GAREM1: variants seen among roughly 807,000 people sequenced by gnomAD.
GAREM1 encodes the protein GRB2 associated regulator of MAPK1 subtype 1, also known as GRB2-associated and regulator of MAPK protein 1.
In GAREM1, 26 loss-of-function variants were observed where a neutral mutation model predicts 71.3. The ratio of observed to expected loss-of-function variants is 0.36; its 90% CI spans 0.27 to 0.51. GAREM1 has a LOEUF of 0.51. GAREM1 is among the 20% of genes least tolerant of loss of function. The probability of loss-of-function intolerance (pLI) is 0.95; values close to 1 mark genes in which losing one functional copy is unlikely to be tolerated. For synonymous variants in GAREM1, 440 were observed against 433.2 expected, an observed-to-expected ratio of 1.02 and a Z score of -0.20; for missense variants, 1,026 against 1,103.1, an observed-to-expected ratio of 0.93 and a Z score of 0.99.
intron 1 of GAREM1, among the ~76,000 whole-genome samples, chr18:32,457,224 A>AGTGTGG (rs1309543369): frequency 9.3e-6 from 1 of 107,360 alleles, no homozygotes; most frequent in Non-Finnish European, 1.9e-5. Flanking sequence ...AGAGAGAGAG[A>AGTGTGG]GAGTGTGTGT....
At chr18:32,347,269 G>A (rs1310987216) in intron 2 of GAREM1, among the ~76,000 whole-genome samples, 3 of 152,170 alleles carry the variant, frequency 2.0e-5, no homozygotes, top group Admixed American at 6.5e-5. Flanking sequence ...GAAGCCTGAA[G>A]TGAAAGGATC....
chr18:32,311,691 G>A (rs1248168654), intron 2 of GAREM1, among the ~76,000 whole-genome samples: 2 of 152,246 alleles, frequency 1.3e-5, no homozygotes, highest in East Asian at 3.8e-4. Flanking sequence ...AGGTGGGTGG[G>A]CTGCCTGCCT....
intron 2 of GAREM1, among the ~76,000 whole-genome samples, chr18:32,330,408 C>T (rs546114927): frequency 2.0e-5 from 3 of 152,200 alleles, no homozygotes; most frequent in Admixed American, 2.0e-4. Context: ...GTACTAGGCT[C>T]ACTTACATGG....
chr18:32,428,855 G>A (rs1360474906), intron 1 of GAREM1, among the ~76,000 whole-genome samples: 1 of 151,972 alleles, frequency 6.6e-6, no homozygotes, highest in African/African-American at 2.4e-5. Flanking sequence ...TCGGTTCCTT[G>A]TTTTAGTCCT....
intron 1 of GAREM1, among the ~76,000 whole-genome samples, chr18:32,453,980 G>A (rs1241129886): frequency 6.6e-6 from 1 of 152,064 alleles, no homozygotes; most frequent in African/African-American, 2.4e-5. Flanking sequence ...CTATAGGGGG[G>A]TGGGGTGAGT....
Position 32,412,672 on chromosome 18 carries a change from T to C in GAREM1, c.122-19637A>G, listed in dbSNP as rs986501255. 2.0e-5 allele frequency: 30 copies of C among 1,482,626 alleles called. No homozygotes were observed. The African/African-American group carries it at 3.6e-4, about 18-fold the overall frequency. 91.8% of individuals were successfully genotyped at this position (1,482,626 alleles called of 1,614,324 possible). ...ACTTCACAGTTGTGGCCATTCACAG[T>C]ATGGTATTTCTGAATGACAATCTTA... On this transcript the variant is annotated intron_variant, in intron 1 of 5. Coordinates refer to ENST00000269209, the MANE Select transcript of GAREM1 (RefSeq NM_001242409.2).
intron 1 of GAREM1, among the ~76,000 whole-genome samples, chr18:32,431,100 T>C (rs2048620358): frequency 6.6e-6 from 1 of 152,170 alleles, no homozygotes. Context: ...TACAGACCAC[T>C]ACCCAAGACC....
At chr18:32,445,949 T>C (rs1469669564) in intron 1 of GAREM1, among the ~76,000 whole-genome samples, 1 of 152,154 alleles carries the variant, frequency 6.6e-6, no homozygotes, top group African/African-American at 2.4e-5. Context: ...TTCCAGGAAG[T>C]ATCATGTTGA....
At chr18:32,435,678 TA>T (rs1159102894) in intron 1 of GAREM1, among the ~76,000 whole-genome samples, 2 of 152,072 alleles carry the variant, frequency 1.3e-5, no homozygotes, top group Non-Finnish European at 2.9e-5. Context: ...TGTTATGTGA[TA>T]AAAAGTAGTA....
At chr18:32,347,990 G>T (rs2047712518) in intron 2 of GAREM1, among the ~76,000 whole-genome samples, 2 of 152,004 alleles carry the variant, frequency 1.3e-5, no homozygotes, top group South Asian at 4.1e-4. Context: ...AACTACTTTT[G>T]GAATCTGCAA....
intron 1 of GAREM1, among the ~76,000 whole-genome samples, chr18:32,404,396 C>G (rs1327901344): frequency 2.6e-5 from 4 of 151,830 alleles, no homozygotes; most frequent in Admixed American, 1.3e-4. Context: ...GAGAACAAAA[C>G]AGACACACGC....
intron 2 of GAREM1, among the ~76,000 whole-genome samples, chr18:32,315,298 G>A (rs1428058796): frequency 6.6e-6 from 1 of 151,442 alleles, no homozygotes; most frequent in Non-Finnish European, 1.5e-5. Context: ...AGCCACATGT[G>A]CAATTACATA....
intron 1 of GAREM1, among the ~76,000 whole-genome samples, chr18:32,458,866 A>G (rs1208347139): frequency 6.6e-6 from 1 of 152,074 alleles, no homozygotes; most frequent in Non-Finnish European, 1.5e-5. Context: ...CCTGGATGCA[A>G]TTTAGCAATA....
chr18:32,401,930 T>G (rs1392928292), intron 1 of GAREM1, among the ~76,000 whole-genome samples: 1 of 152,214 alleles, frequency 6.6e-6, no homozygotes, highest in Non-Finnish European at 1.5e-5. Context: ...TCAGAATGAT[T>G]TTTAAAGCCA....
At chr18:32,375,588 TCA>T (rs2048023773) in intron 2 of GAREM1, among the ~76,000 whole-genome samples, 1 of 152,208 alleles carries the variant, frequency 6.6e-6, no homozygotes, top group South Asian at 2.1e-4. Flanking sequence ...GACTTAGGTC[TCA>T]CACAGATACA....
chr18:32,298,746 G>A (rs1248390398), intron 3 of GAREM1, among the ~76,000 whole-genome samples: 1 of 150,882 alleles, frequency 6.6e-6, no homozygotes, highest in Non-Finnish European at 1.5e-5. Flanking sequence ...ACATGTAAGA[G>A]GTTAAAATTC....
chr18:32,383,214 C>T (rs1402153033), intron 2 of GAREM1, among the ~76,000 whole-genome samples: 1 of 152,188 alleles, frequency 6.6e-6, no homozygotes, highest in African/African-American at 2.4e-5. Flanking sequence ...AACACAGACA[C>T]GTCTGAATCA....
At chr18:32,377,662 C>T (rs572642944) in intron 2 of GAREM1, among the ~76,000 whole-genome samples, 22 of 152,324 alleles carry the variant, frequency 1.4e-4, no homozygotes, top group East Asian at 3.9e-4. Flanking sequence ...CTCCCAGGTT[C>T]GAGCAATTCT....
chr18:32,436,554 CT>C (rs1260003920), intron 1 of GAREM1, among the ~76,000 whole-genome samples: 1 of 152,010 alleles, frequency 6.6e-6, no homozygotes, highest in Non-Finnish European at 1.5e-5. Flanking sequence ...AATGTTCTTT[CT>C]TACATAGTTA....
Sources: allele counts gnomAD v4.1 joint callset (sites outside exome capture counted in the v4.1 genomes callset), GRCh38; gene constraint gnomAD v4.1.1; transcripts MANE v1.5; gene names NCBI Gene and HGNC (gene_info 2026-07-23, HGNC 2026-07-21).